Variants in PTPRT observed in about 807,000 individuals in gnomAD.
The protein encoded by PTPRT is protein tyrosine phosphatase receptor type T.
Under a neutral mutation model 176.8 loss-of-function variants are expected in PTPRT, and 56 were observed. The observed-to-expected ratio is 0.32, with a 90% CI of 0.26 to 0.40. The LOEUF is 0.40. Ranked by LOEUF, PTPRT falls within the 10% of genes least tolerant of loss-of-function variation. PTPRT has a pLI of 1.00. For synonymous variants in PTPRT, 783 were observed against 739.0 expected (o/e 1.06, Z -0.96); for missense variants, 1,540 against 1,908.2 (o/e 0.81, Z 3.60).
chr20:42,615,021 G>A (rs886848336), intron 7 of PTPRT, among the ~76,000 whole-genome samples: 1 of 139,928 alleles, frequency 7.1e-6, no homozygotes, highest in African/African-American at 2.8e-5. Context: ...GTGCCATGCT[G>A]GTGTGCTGCA....
intron 6 of PTPRT, among the ~76,000 whole-genome samples, chr20:42,706,290 C>G (rs1442234623): frequency 6.6e-6 from 1 of 151,870 alleles, no homozygotes; most frequent in Non-Finnish European, 1.5e-5. Flanking sequence ...CTTGTAGCAT[C>G]TCAGGCCAAT....
intron 9 of PTPRT, among the ~76,000 whole-genome samples, chr20:42,444,279 C>T (rs2059343895): frequency 6.8e-6 from 1 of 147,358 alleles, no homozygotes; most frequent in South Asian, 2.2e-4. Context: ...GAGACTTTGG[C>T]TGGCTTATAG....
chr20:43,059,175 C>T (rs1365530607), intron 1 of PTPRT, among the ~76,000 whole-genome samples: 1 of 152,228 alleles, frequency 6.6e-6, no homozygotes, highest in Non-Finnish European at 1.5e-5. Flanking sequence ...TCCGTTAAGA[C>T]TGCTGATTCA....
chr20:42,903,353 C>A (rs1036973552), intron 1 of PTPRT, among the ~76,000 whole-genome samples: 9 of 152,228 alleles, frequency 5.9e-5, no homozygotes, highest in African/African-American at 1.7e-4. Context: ...CTTTCTGCTG[C>A]AAAATGCTAT....
Position 42,227,720 on chromosome 20 carries a change from G to C in PTPRT, c.2342+8509C>G, listed in dbSNP as rs569022716. On this transcript the variant is annotated intron_variant, in intron 15 of 30. Coordinates refer to ENST00000373187, the MANE Select transcript of PTPRT (RefSeq NM_007050.6). ...CCTCCTGTATTCAAGCGATTCTCCT[G>C]CCTCAGCCTCCCAAGTAGCTGGGAT... Among the ~76,000 whole-genome samples the C allele has an allele frequency of 2.1e-5, 3 of 145,240 alleles. No individual in the cohort carries two copies. The South Asian group carries it at 6.8e-4, about 33-fold the overall frequency.
chr20:42,269,861 A>G (rs924127463), intron 13 of PTPRT, among the ~76,000 whole-genome samples: 3 of 152,202 alleles, frequency 2.0e-5, no homozygotes, highest in African/African-American at 2.4e-5. Context: ...GGTAGACCTG[A>G]TCATAGTGAG....
chr20:42,228,575 A>G (rs776466334), intron 15 of PTPRT, among the ~76,000 whole-genome samples: 12 of 152,228 alleles, frequency 7.9e-5, no homozygotes, highest in Non-Finnish European at 1.8e-4. Context: ...AAACCCATAT[A>G]AGACTACAAA....
chr20:42,954,743 T>C (rs1017145604), intron 1 of PTPRT, among the ~76,000 whole-genome samples: 1 of 152,128 alleles, frequency 6.6e-6, no homozygotes, highest in Non-Finnish European at 1.5e-5. Context: ...ACCATATCTC[T>C]AATTTGACCT....
chr20:42,719,975 T>C, intron 6 of PTPRT, among the ~76,000 whole-genome samples: 1 of 152,300 alleles, frequency 6.6e-6, no homozygotes, highest in South Asian at 2.1e-4. Context: ...CTCACATGCA[T>C]TTGGGCAAGA....
At chr20:42,366,769 A>T (rs1451446137) in intron 9 of PTPRT, among the ~76,000 whole-genome samples, 1 of 107,796 alleles carries the variant, frequency 9.3e-6, no homozygotes, top group East Asian at 2.3e-4. Context: ...TACACGGCAC[A>T]TGTGAGGAAG....
At chr20:42,313,788 G>A (rs1041776148) in intron 12 of PTPRT, among the ~76,000 whole-genome samples, 13 of 152,186 alleles carry the variant, frequency 8.5e-5, no homozygotes, top group Admixed American at 2.6e-4. Context: ...TTCATGCAGC[G>A]GGAAGACCAG....
In PTPRT at chr20:42,908,837, G is replaced by A. The variant is rs1187322632; in HGVS notation, c.89-22905C>T. ...TTTATGGAAGCCATTTCCACACTAG[G>A]GTAGCTAGTATTGGTTTAATTATAC... On this transcript the variant is annotated intron_variant, in intron 1 of 30. Coordinates refer to ENST00000373187, the MANE Select transcript of PTPRT (RefSeq NM_007050.6). Among the ~76,000 whole-genome samples, 3 of 152,110 alleles carry A rather than the reference G, an allele frequency of 2.0e-5. No individual in the cohort carries two copies. The East Asian group carries it at 5.8e-4, about 29-fold the overall frequency.
chr20:42,719,492 G>A (rs1423788012), intron 6 of PTPRT, among the ~76,000 whole-genome samples: 8 of 152,176 alleles, frequency 5.3e-5, no homozygotes, highest in Non-Finnish European at 1.0e-4. Flanking sequence ...CTCTCCAACA[G>A]CTTGGCAGGA....
chr20:42,919,985 G>T lies in PTPRT; in HGVS notation c.89-34053C>A, dbSNP rs575553592. On this transcript the variant is annotated intron_variant, in intron 1 of 30. Coordinates refer to ENST00000373187, the MANE Select transcript of PTPRT (RefSeq NM_007050.6). Reference sequence around the variant, plus strand: ...CCCGCCTAGAATTCTAGTCCACTTTGTTACAACTTCTGATCATCACATCAA... The same window carrying T: ...CCCGCCTAGAATTCTAGTCCACTTTTTTACAACTTCTGATCATCACATCAA... Among the ~76,000 whole-genome samples the T allele has an allele frequency of 3.3e-4, 51 of 152,300 alleles. No homozygotes were observed. In the East Asian group the frequency reaches 9.8e-3, roughly 29 times the overall value.
intron 21 of PTPRT, among the ~76,000 whole-genome samples, chr20:42,115,647 A>T (rs565510091): frequency 8.5e-5 from 13 of 152,334 alleles, no homozygotes; most frequent in African/African-American, 2.9e-4. Context: ...CACTTTACAG[A>T]TGAAAATAAT....
chr20:42,463,244 T>G (rs1455432975), intron 8 of PTPRT, among the ~76,000 whole-genome samples: 4 of 152,202 alleles, frequency 2.6e-5, no homozygotes, highest in African/African-American at 9.6e-5. Flanking sequence ...TCTTATCTTC[T>G]AATTCTGTAT....
At position 42,161,547 on chromosome 20, in the gene PTPRT, G is replaced by A. The variant is rs1035089522; in HGVS notation, c.2492-5C>T. The A allele has an allele frequency of 1.1e-5, 18 of 1,598,442 alleles. No individual in the cohort carries two copies. Among genetic ancestry groups the A allele is most frequent in the Admixed American group, 3.4e-5 (2 of 58,840 alleles). On this transcript the variant is annotated splice_polypyrimidine_tract_variant and splice_region_variant and intron_variant, in intron 16 of 30. Coordinates refer to ENST00000373187, the MANE Select transcript of PTPRT (RefSeq NM_007050.6). ...GCTCCCCGCGGCTGCCATCTGCTTC[G>A]AAAAGAAGGAGGCAGAACAGATCAT...
At chr20:42,860,922 T>C (rs1191130741) in intron 2 of PTPRT, among the ~76,000 whole-genome samples, 1 of 152,236 alleles carries the variant, frequency 6.6e-6, no homozygotes, top group Non-Finnish European at 1.5e-5. Flanking sequence ...ATATCAGTTG[T>C]TAGTTTGGAA....
At chr20:42,064,960 A>G in the PTPRT span, among the ~76,000 whole-genome samples, 1 of 152,196 alleles carries the variant, frequency 6.6e-6, no homozygotes, top group African/African-American at 2.4e-5. Context: ...GATATGGGCT[A>G]TGTAATTAGT....
Sources: gnomAD v4.1 joint callset for allele counts (sites outside exome capture counted in the v4.1 genomes callset) on GRCh38, gnomAD v4.1.1 for gene constraint, MANE v1.5 for transcripts, NCBI Gene and HGNC (gene_info 2026-07-23, HGNC 2026-07-21) for gene names.